The following ACAA1 variants were observed in gnomAD, a reference collection of about 807,000 sequenced individuals.
ACAA1 encodes the protein 3-ketoacyl-CoA thiolase, peroxisomal.
ACAA1 carries 44 observed loss-of-function variants against 48.8 expected under a neutral mutation model. The observed-to-expected ratio is 0.90, with a 90% CI of 0.71 to 1.16. The LOEUF (loss-of-function observed/expected upper bound fraction) is 1.16. Ranked by LOEUF, ACAA1 falls within the 50% of genes most tolerant of loss-of-function variation. The pLI, the probability that ACAA1 is intolerant of heterozygous loss-of-function variation, is 0.00. For synonymous variants in ACAA1, 233 were observed against 226.5 expected, an observed-to-expected ratio of 1.03 and a Z score of -0.26; for missense variants, 512 against 562.3, an observed-to-expected ratio of 0.91 and a Z score of 0.90.
intron 6 of ACAA1, among the ~76,000 whole-genome samples, chr3:38,128,115 G>A (rs778789398): frequency 1.3e-5 from 2 of 152,236 alleles, no homozygotes; most frequent in Non-Finnish European, 2.9e-5. Flanking sequence ...ATACACCAAA[G>A]AGACTTTCTT....
intron 2 of ACAA1, 143 bp downstream of exon 2, chr3:38,136,449 C>G: frequency 1.3e-6 from 1 of 769,858 alleles, no homozygotes; most frequent in Non-Finnish European, 2.2e-6. Flanking sequence ...GAAATACCCA[C>G]AGGTGTGAAG....
chr3:38,134,744 T>G (rs1254326209), intron 2 of ACAA1, among the ~76,000 whole-genome samples: 1 of 152,180 alleles, frequency 6.6e-6, no homozygotes, highest in Non-Finnish European at 1.5e-5. Flanking sequence ...CTCCATTCTC[T>G]ATTAACCAGG....
chr3:38,136,799 T>G (rs7625290), intron 1 of ACAA1, 66 bp downstream of exon 1: 67,826 of 1,485,338 alleles, frequency 0.046, 1,731 homozygotes, highest in Middle Eastern at 0.088. Flanking sequence ...TAACCAAACA[T>G]ACGAACCGGA....
chr3:38,128,098 G>A (rs1466645432), intron 6 of ACAA1, among the ~76,000 whole-genome samples: 1 of 152,218 alleles, frequency 6.6e-6, no homozygotes, highest in Non-Finnish European at 1.5e-5. Flanking sequence ...CAGATCCTGA[G>A]AAGCTCATAC....
At chr3:38,133,318 T>C (rs1700824272) in intron 3 of ACAA1, among the ~76,000 whole-genome samples, 1 of 152,082 alleles carries the variant, frequency 6.6e-6, no homozygotes, top group Non-Finnish European at 1.5e-5. Context: ...GGAGCCAGAT[T>C]GTAGGGGGCC....
chr3:38,129,229 T>A lies in ACAA1; in HGVS notation c.545+61A>T, dbSNP rs1575261830. 1.3e-6 allele frequency: 2 copies of A among 1,492,560 alleles called. No homozygotes were observed. The highest frequency in any genetic ancestry group is 2.8e-5 in the African/African-American group (2 of 72,354). The allele number at this position is 1,492,560 out of a possible 1,614,324, so 92.5% of individuals were successfully genotyped here. ...CACCAGCCACAGAGATGATAAAAGT[T>A]CCTTGGCTCCCTGCCCCAGGCAGAG... On this transcript the variant is annotated intron_variant, in intron 6 of 11. Transcript: ENST00000333167. This position sits in a 1 kb window ranked among gnomAD's most constrained non-coding sequence, Gnocchi z 5.3.
rs1356637464 is a variant in ACAA1, at chr3:38,136,981, A to T, written c.55T>A (p.Trp19Arg). 23 of 1,560,760 alleles carry T rather than the reference A, an allele frequency of 1.5e-5. No individual in the cohort carries two copies. Among genetic ancestry groups the T allele is most frequent in the Non-Finnish European group, 2.0e-5 (23 of 1,154,972 alleles). Residue 19 changes from tryptophan (W) to arginine (R), a missense_variant, in exon 1 of 12, where the codon TGG (tryptophan) becomes AGG (arginine). By Grantham distance (101) the Trp-to-Arg change is moderately radical (BLOSUM62 -3). Coordinates refer to ENST00000333167, the MANE Select transcript of ACAA1 (RefSeq NM_001607.4). ...AGGCAAGGCGCGGCCTGCGGCATCC[A>T]GCCGGAATCGGCCGGACCCCTCAGG... Reference protein sequence around the residue: ...GHLRGPADSGWMPQAAPCLSG... With the variant: ...GHLRGPADSGRMPQAAPCLSG...
chr3:38,134,612 A>G, intron 2 of ACAA1: 1 of 443,574 alleles, frequency 2.3e-6, no homozygotes, highest in South Asian at 1.6e-5. Flanking sequence ...TTTAGCCCCA[A>G]CTCTGTGCTC....
intron 11 of ACAA1, chr3:38,125,066 T>G (rs1700646997): frequency 6.6e-6 from 1 of 152,314 alleles, no homozygotes; most frequent in African/African-American, 2.4e-5. Flanking sequence ...CATTCACATC[T>G]CCTTAAACCA....
chr3:38,137,072 G>C lies in ACAA1; in HGVS notation c.-37C>G, dbSNP rs1700925176. ...ACCCTGCAGACCAGCCACCAGTCCGGGAACTGACCGCGGAGTTAACAGACA... is the reference window on the plus strand; with the variant it reads ...ACCCTGCAGACCAGCCACCAGTCCGCGAACTGACCGCGGAGTTAACAGACA... On this transcript the variant is annotated 5_prime_UTR_variant, in exon 1 of 12. Coordinates refer to ENST00000333167, the MANE Select transcript of ACAA1 (RefSeq NM_001607.4). 1.3e-6 allele frequency: 2 copies of C among 1,493,332 alleles called. No homozygotes were observed. Among genetic ancestry groups the C allele is most frequent in the Non-Finnish European group, 1.8e-6 (2 of 1,120,280 alleles). The allele number at this position is 1,493,332 out of a possible 1,614,324, so 92.5% of individuals were successfully genotyped here. A position where few individuals can be genotyped will look rare whatever the true frequency, so the allele number is the denominator to read the frequency against.
At chr3:38,134,245 G>A (rs1700843671) in intron 2 of ACAA1, 1 of 571,540 alleles carries the variant, frequency 1.7e-6, no homozygotes, top group South Asian at 2.1e-5. Context: ...ACTTGCCCAT[G>A]CACCCAGCTT....
In ACAA1 at chr3:38,129,104, G is replaced by C. The variant is rs1022326725; in HGVS notation, c.545+186C>G. Among the ~76,000 whole-genome samples, 3 of 152,112 alleles carry C rather than the reference G, an allele frequency of 2.0e-5. No homozygotes were observed. The highest frequency in any genetic ancestry group is 7.2e-5 in the African/African-American group (3 of 41,398). ...AACTCGGGGGCACAGAGAGGACCTG[G>C]GGCCTTCAGGAAATGGAAGTCAAGG... On this transcript the variant is annotated intron_variant, in intron 6 of 11. Transcript: ENST00000333167. The surrounding 1 kb of genome is among the most constrained non-coding windows in gnomAD (Gnocchi z 5.3).
chr3:38,125,488 T>G (rs1412348899), intron 11 of ACAA1, 77 bp downstream of exon 11: 3 of 1,487,922 alleles, frequency 2.0e-6, no homozygotes, highest in South Asian at 1.4e-5. Flanking sequence ...AAAGCCCACC[T>G]ACCTCTATCC....
chr3:38,127,511 G>A, intron 7 of ACAA1: 1 of 502,572 alleles, frequency 2.0e-6, no homozygotes, highest in South Asian at 2.1e-5. Context: ...ACAATGTCCA[G>A]TCCCCAAACC....
intron 7 of ACAA1, 121 bp downstream of exon 7, chr3:38,127,665 A>G: frequency 1.0e-6 from 1 of 968,172 alleles, no homozygotes; most frequent in Non-Finnish European, 1.6e-6. Context: ...GGGTGGCACA[A>G]GGCCTGGAAA....
rs1700676176 is a variant in ACAA1, at chr3:38,126,105, C to T, written c.997+57G>A. ...CCCTCATGCCCCTGGCAACAGCATG[C>T]AGGGCAGCTGCAGGATCCAGGTGGG... On this transcript the variant is annotated intron_variant, in intron 9 of 11. Transcript: ENST00000333167. This position sits in a 1 kb window ranked among gnomAD's most constrained non-coding sequence, Gnocchi z 4.7. 6.3e-7 allele frequency: 1 copy of T among 1,577,314 alleles called. No individual in the cohort carries two copies. Among genetic ancestry groups the T allele is most frequent in the South Asian group, 1.2e-5 (1 of 85,708 alleles).
At position 38,134,004 on chromosome 3, in the gene ACAA1, C is replaced by G; in HGVS notation, c.271G>C (p.Val91Leu). The G allele has an allele frequency of 6.2e-7, 1 of 1,613,582 alleles. No individual in the cohort carries two copies. Among genetic ancestry groups the G allele is most frequent in the South Asian group, 1.1e-5 (1 of 91,030 alleles). ...EQLGDICVGN[V>L]LQPGAGAIMA... Reference sequence around the variant, plus strand: ...ATTGCCCCGGCCCCAGGCTGCAGCACATTTCCTGTGGACAACAAACTTTCA... The same window carrying G: ...ATTGCCCCGGCCCCAGGCTGCAGCAGATTTCCTGTGGACAACAAACTTTCA... Residue 91 changes from valine (V) to leucine (L), a missense_variant, in exon 3 of 12, where the codon GTG (valine) becomes CTG (leucine). Val to Leu is a conservative substitution (Grantham distance 32). Coordinates refer to ENST00000333167, the MANE Select transcript of ACAA1 (RefSeq NM_001607.4).
rs1700744748 is a variant in ACAA1 at position 38,129,522 on chromosome 3, T to A, written c.447-134A>T. 1 of 684,258 alleles carries A rather than the reference T, an allele frequency of 1.5e-6. No individual in the cohort carries two copies. The highest frequency in any genetic ancestry group is 1.8e-5 in the African/African-American group (1 of 55,394). 42.4% of individuals were successfully genotyped at this position (684,258 alleles called of 1,614,324 possible). ...AGGAAGACCAGTGGGCCTCTGGGAG[T>A]CACAGGCAGGGCACTTGGCCAGCAA... On this transcript the variant is annotated intron_variant, in intron 5 of 11. Transcript: ENST00000333167. The surrounding 1 kb of genome is among the most constrained non-coding windows in gnomAD (Gnocchi z 5.3).
intron 7 of ACAA1, among the ~76,000 whole-genome samples, chr3:38,127,361 C>G (rs189393406): frequency 6.6e-6 from 1 of 152,250 alleles, no homozygotes; most frequent in African/African-American, 2.4e-5. Flanking sequence ...CCGGGACTTG[C>G]CAATCTTAGC....
Sources: allele counts gnomAD v4.1 joint callset (sites outside exome capture counted in the v4.1 genomes callset), GRCh38; gene constraint gnomAD v4.1.1; non-coding constraint Gnocchi (gnomAD v3.1); transcripts MANE v1.5; gene names NCBI Gene and HGNC (gene_info 2026-07-23, HGNC 2026-07-21).